Variants in RARB observed in about 807,000 individuals in gnomAD.
RARB encodes the protein retinoic acid receptor beta.
In RARB, 17 loss-of-function variants were observed where a neutral mutation model predicts 51.9. The ratio of observed to expected loss-of-function variants is 0.33; its 90% confidence interval spans 0.22 to 0.49. RARB has a LOEUF of 0.49. Ranked by LOEUF, RARB falls within the 20% of genes least tolerant of loss-of-function variation. RARB has a pLI of 0.99. For synonymous variants in RARB, 215 were observed against 195.4 expected (o/e 1.10, Z -0.84); for missense variants, 369 against 550.8 (o/e 0.67, Z 3.30).
intron 5 of RARB, among the ~76,000 whole-genome samples, chr3:25,203,433 T>G (rs1701448756): frequency 6.6e-6 from 1 of 152,188 alleles, no homozygotes; most frequent in Non-Finnish European, 1.5e-5. Flanking sequence ...CCATTTACAT[T>G]TAAGGTTAAT....
chr3:25,012,683 C>A (rs1316808259), intron 2 of RARB, among the ~76,000 whole-genome samples: 2 of 152,040 alleles, frequency 1.3e-5, no homozygotes, highest in Non-Finnish European at 2.9e-5. Context: ...CATTTTATTT[C>A]CTTTAGTTAG....
chr3:25,266,973 A>G (rs1169285768), intron 5 of RARB, among the ~76,000 whole-genome samples: 2 of 152,198 alleles, frequency 1.3e-5, no homozygotes, highest in African/African-American at 2.4e-5. Context: ...GACTAACACA[A>G]TCACCAACTT....
rs529453447 is a variant in RARB, at chr3:25,128,431, AATT to A, written c.-327-3726_-327-3724del. Among the ~76,000 whole-genome samples, 841 of 148,758 alleles carry A rather than the reference AATT, an allele frequency of 5.7e-3. 3 individuals carry two copies. The highest frequency in any genetic ancestry group is 0.021 in the Middle Eastern group (6 of 280). On this transcript the variant is annotated intron_variant, in intron 3 of 11. Transcript: ENST00000383772. ...TAATTATACAAAATTATATTTTATA[AATT>A]ATTCATATAATTTATATATTTCTAG...
chr3:25,549,888 C>T (rs1699776017), intron 3 of RARB, among the ~76,000 whole-genome samples: 1 of 151,896 alleles, frequency 6.6e-6, no homozygotes, highest in African/African-American at 2.4e-5. Context: ...GCTACACAGT[C>T]AAGATGTAAG....
At chr3:25,515,393 T>C (rs1029397982) in intron 3 of RARB, among the ~76,000 whole-genome samples, 1 of 152,106 alleles carries the variant, frequency 6.6e-6, no homozygotes, top group Non-Finnish European at 1.5e-5. Flanking sequence ...AACATACCAA[T>C]ATGACTGAGT....
At chr3:25,337,686 C>T (rs1705103653) in intron 5 of RARB, among the ~76,000 whole-genome samples, 2 of 152,110 alleles carry the variant, frequency 1.3e-5, no homozygotes, top group South Asian at 2.1e-4. Flanking sequence ...CCATGATCAC[C>T]CTCATTAAGA....
intron 5 of RARB, among the ~76,000 whole-genome samples, chr3:25,380,429 G>GT (rs958247908): frequency 1.6e-4 from 24 of 152,190 alleles, no homozygotes; most frequent in African/African-American, 5.5e-4. Flanking sequence ...CTCAGGTTTA[G>GT]TTTTTTAGCA....
At chr3:25,063,392 C>G (rs1698589931) in intron 3 of RARB, among the ~76,000 whole-genome samples, 1 of 152,004 alleles carries the variant, frequency 6.6e-6, no homozygotes, top group Admixed American at 6.6e-5. Context: ...GCCATGCCTT[C>G]TAACTTGGAC....
At chr3:25,203,677 C>T (rs574142761) in intron 5 of RARB, among the ~76,000 whole-genome samples, 383 of 152,124 alleles carry the variant, frequency 2.5e-3, no homozygotes, top group African/African-American at 8.3e-3. Context: ...ATTTTATTTC[C>T]CCTTCACTTA....
chr3:25,164,825 A>G (rs553350424), intron 4 of RARB, among the ~76,000 whole-genome samples: 1 of 152,164 alleles, frequency 6.6e-6, no homozygotes, highest in African/African-American at 2.4e-5. Context: ...TCTCTATCTT[A>G]AATTATAAAC....
chr3:24,993,912 G>A (rs1696968377), intron 2 of RARB, among the ~76,000 whole-genome samples: 1 of 152,020 alleles, frequency 6.6e-6, no homozygotes. Flanking sequence ...CCTGTTATTG[G>A]ACACTAGGTT....
intron 2 of RARB, among the ~76,000 whole-genome samples, chr3:24,989,780 T>C (rs867875708): frequency 0.017 from 286 of 16,442 alleles, 63 homozygotes; most frequent in African/African-American, 0.13. Flanking sequence ...TTTTCTTTTT[T>C]TTTTTTTTTT....
chr3:25,334,970 A>T (rs187315622), intron 5 of RARB, among the ~76,000 whole-genome samples: 11 of 152,262 alleles, frequency 7.2e-5, no homozygotes, highest in Admixed American at 7.2e-4. Context: ...AAACAATTTG[A>T]CTTTCTGTTG....
intron 5 of RARB, among the ~76,000 whole-genome samples, chr3:25,295,043 AAT>A (rs1296077390): frequency 6.6e-6 from 1 of 152,208 alleles, no homozygotes; most frequent in Non-Finnish European, 1.5e-5. Context: ...CCAAAAGAGT[AAT>A]ATGTTACCCA....
At chr3:25,322,653 A>G (rs1464310732) in intron 5 of RARB, among the ~76,000 whole-genome samples, 6 of 152,220 alleles carry the variant, frequency 3.9e-5, no homozygotes, top group Non-Finnish European at 8.8e-5. Flanking sequence ...TGGCATAAGC[A>G]TGTATTGCAT....
intron 3 of RARB, among the ~76,000 whole-genome samples, chr3:25,081,929 G>A (rs1048954518): frequency 3.3e-5 from 5 of 151,748 alleles, no homozygotes; most frequent in South Asian, 2.1e-4. Flanking sequence ...CACTGTGCCC[G>A]GCCTGCTTCA....
intron 5 of RARB, among the ~76,000 whole-genome samples, chr3:25,405,092 C>G (rs902637054): frequency 6.6e-6 from 1 of 152,146 alleles, no homozygotes; most frequent in Non-Finnish European, 1.5e-5. Flanking sequence ...CCATGAGATG[C>G]GATCCCTGAG....
chr3:24,976,853 G>T (rs141508426), intron 2 of RARB, among the ~76,000 whole-genome samples: 16,788 of 152,110 alleles, frequency 0.11, 1,254 homozygotes, highest in Non-Finnish European at 0.16. Context: ...TGTCCTGAAT[G>T]GTATTGCCTA....
At chr3:25,068,133 C>CAAAAAAAAAA (rs55826425) in intron 3 of RARB, among the ~76,000 whole-genome samples, 7 of 33,268 alleles carry the variant, frequency 2.1e-4, no homozygotes, top group Middle Eastern at 0.031. Flanking sequence ...GACTCCATCT[C>CAAAAAAAAAA]AAAAAAAAAA....
Sources: allele counts gnomAD v4.1 joint callset (sites outside exome capture counted in the v4.1 genomes callset), GRCh38; gene constraint gnomAD v4.1.1; transcripts MANE v1.5; gene names NCBI Gene and HGNC (gene_info 2026-07-23, HGNC 2026-07-21).